Variants in GPC5 observed in about 807,000 individuals in gnomAD.
The protein encoded by GPC5 is glypican 5.
GPC5 carries 47 observed loss-of-function variants against 53.9 expected under a neutral mutation model. The ratio of observed to expected loss-of-function variants is 0.87; its 90% CI spans 0.69 to 1.11. GPC5 has a LOEUF of 1.11. GPC5 is among the 50% of genes most tolerant of loss of function. The pLI is 0.00. For synonymous variants in GPC5, 286 were observed against 263.3 expected (o/e 1.09, Z -0.84); for missense variants, 748 against 713.1 (o/e 1.05, Z -0.56).
intron 1 of GPC5, among the ~76,000 whole-genome samples, chr13:91,437,078 T>A (rs1880036443): frequency 6.6e-6 from 1 of 152,212 alleles, no homozygotes; most frequent in African/African-American, 2.4e-5. Flanking sequence ...AGCCTATGTG[T>A]GTCGCTGCAT....
chr13:92,033,989 T>A (rs571480205), intron 6 of GPC5, among the ~76,000 whole-genome samples: 1 of 152,326 alleles, frequency 6.6e-6, no homozygotes, highest in South Asian at 2.1e-4. Context: ...TCCATTAAGA[T>A]ATAAATTAAT....
chr13:92,646,976 C>T (rs1885795938), intron 7 of GPC5, among the ~76,000 whole-genome samples: 1 of 108,006 alleles, frequency 9.3e-6, no homozygotes, highest in African/African-American at 3.0e-5. Flanking sequence ...GTATATAAAC[C>T]TGGCATTCTA....
chr13:92,635,382 A>C (rs1999566), intron 7 of GPC5, among the ~76,000 whole-genome samples: 7 of 152,266 alleles, frequency 4.6e-5, no homozygotes, highest in Admixed American at 2.6e-4. Context: ...TCAGAAGACT[A>C]AGAGCATGGC....
intron 7 of GPC5, among the ~76,000 whole-genome samples, chr13:92,251,500 G>C (rs1279632294): frequency 6.6e-6 from 1 of 152,100 alleles, no homozygotes; most frequent in Admixed American, 6.6e-5. Context: ...TTGGGGTGTA[G>C]CCTGAGGTAG....
intron 7 of GPC5, among the ~76,000 whole-genome samples, chr13:92,706,242 A>C (rs992199062): frequency 5.3e-5 from 8 of 152,130 alleles, no homozygotes; most frequent in Non-Finnish European, 1.0e-4. Flanking sequence ...TCAAAATGTC[A>C]TACGTAATCA....
chr13:91,824,270 G>C (rs920749627), intron 5 of GPC5, among the ~76,000 whole-genome samples: 3 of 152,004 alleles, frequency 2.0e-5, no homozygotes, highest in Non-Finnish European at 4.4e-5. Context: ...ACAGAAAGAT[G>C]AGATTATAAT....
chr13:92,422,856 C>T (rs1876641058), intron 7 of GPC5, among the ~76,000 whole-genome samples: 1 of 152,168 alleles, frequency 6.6e-6, no homozygotes, highest in Non-Finnish European at 1.5e-5. Context: ...TGAGTCACAC[C>T]ATCAAAGCTA....
At chr13:92,322,025 T>A (rs6492599) in intron 7 of GPC5, among the ~76,000 whole-genome samples, 1 of 151,902 alleles carries the variant, frequency 6.6e-6, no homozygotes, top group East Asian at 1.9e-4. Context: ...ATTTATGTAA[T>A]GCATGACATA....
intron 7 of GPC5, among the ~76,000 whole-genome samples, chr13:92,553,481 A>G (rs1321053595): frequency 1.3e-5 from 2 of 151,990 alleles, no homozygotes; most frequent in South Asian, 4.1e-4. Context: ...ACATTATGAT[A>G]CAAATCTATA....
chr13:92,164,570 C>T lies in GPC5; in HGVS notation c.1561+19581C>T, dbSNP rs994063225. On this transcript the variant is annotated intron_variant, in intron 7 of 7. Transcript: ENST00000377067. ...CCTTCGACTTTGCAGGATACAGGCCCTCCGTCCTGACTGCTTTCACAGGCT... is the reference window on the plus strand; with the variant it reads ...CCTTCGACTTTGCAGGATACAGGCCTTCCGTCCTGACTGCTTTCACAGGCT... 2.0e-4 allele frequency among the ~76,000 whole-genome samples: 30 copies of T among 152,194 alleles called. 1 individual carries two copies. The highest frequency in any genetic ancestry group is 2.0e-3 in the Admixed American group (30 of 15,274).
intron 2 of GPC5, among the ~76,000 whole-genome samples, chr13:91,636,066 T>C (rs1208741066): frequency 6.6e-6 from 1 of 152,082 alleles, no homozygotes; most frequent in Non-Finnish European, 1.5e-5. Context: ...TTTAACAGCG[T>C]TAGGTATTCT....
At chr13:92,347,726 G>C (rs908251814) in intron 7 of GPC5, among the ~76,000 whole-genome samples, 2 of 144,720 alleles carry the variant, frequency 1.4e-5, no homozygotes, top group Non-Finnish European at 3.0e-5. Flanking sequence ...GAAATAAATC[G>C]TCAAGGGACA....
intron 2 of GPC5, among the ~76,000 whole-genome samples, chr13:91,663,021 C>G (rs1415286608): frequency 6.6e-6 from 1 of 152,226 alleles, no homozygotes; most frequent in Admixed American, 6.5e-5. Context: ...GCAGCTACAG[C>G]TACTGTTGCC....
intron 7 of GPC5, chr13:92,721,734 G>A (rs1267784091): frequency 6.6e-6 from 1 of 152,052 alleles, no homozygotes; most frequent in African/African-American, 2.4e-5. Context: ...ATACTTTCCA[G>A]TGTGATGGAT....
intron 7 of GPC5, among the ~76,000 whole-genome samples, chr13:92,347,903 T>TAGGCTGTTTTATAC (rs1566549948): frequency 8.3e-5 from 1 of 12,022 alleles, no homozygotes; most frequent in East Asian, 2.4e-3. Flanking sequence ...ATATATATAA[T>TAGGCTGTTTTATAC]ATATATATAA....
intron 7 of GPC5, among the ~76,000 whole-genome samples, chr13:92,217,911 CTTTTTTTTT>C (rs61595116): frequency 4.7e-5 from 4 of 85,204 alleles, no homozygotes; most frequent in South Asian, 9.6e-4. Flanking sequence ...ATTATTTCTA[CTTTTTTTTT>C]TTTTTTTTTT....
At chr13:91,881,160 T>A (rs2039260258) in intron 5 of GPC5, among the ~76,000 whole-genome samples, 1 of 152,110 alleles carries the variant, frequency 6.6e-6, no homozygotes, top group South Asian at 2.1e-4. Flanking sequence ...AAAAATGCAT[T>A]TATTAACACT....
intron 2 of GPC5, among the ~76,000 whole-genome samples, chr13:91,507,696 C>T (rs1011154822): frequency 3.9e-5 from 6 of 152,156 alleles, no homozygotes; most frequent in African/African-American, 1.2e-4. Context: ...GACTTAATCA[C>T]CTCCCAAAGA....
At chr13:92,275,493 T>C (rs2042869015) in intron 7 of GPC5, among the ~76,000 whole-genome samples, 1 of 152,144 alleles carries the variant, frequency 6.6e-6, no homozygotes, top group Admixed American at 6.5e-5. Flanking sequence ...AACAAGATAA[T>C]ATCCTTGCAA....
Sources: gnomAD v4.1 joint callset for allele counts (sites outside exome capture counted in the v4.1 genomes callset) on GRCh38, gnomAD v4.1.1 for gene constraint, MANE v1.5 for transcripts, NCBI Gene and HGNC (gene_info 2026-07-23, HGNC 2026-07-21) for gene names.